Variants in MS4A13 observed in about 807,000 individuals in gnomAD.
MS4A13 encodes membrane-spanning 4-domains subfamily A member 13.
A neutral mutation model predicts 18.4 loss-of-function variants in MS4A13; 21 were observed. That is an observed-to-expected ratio of 1.14 (90% confidence interval 0.81 to 1.64). The LOEUF is 1.64. MS4A13 is among the 40% of genes most tolerant of loss of function. The pLI is 0.00. For missense variants in MS4A13, 173 were observed against 176.8 expected, an observed-to-expected ratio of 0.98 and a Z score of 0.12; for synonymous variants, 62 against 57.2, an observed-to-expected ratio of 1.08 and a Z score of -0.38.
In MS4A13 at chr11:60,529,255, C is replaced by CTTTTTTTT. The variant is rs10667098; in HGVS notation, c.307-97_307-90dup. 2.3e-5 allele frequency: 4 copies of CTTTTTTTT among 172,262 alleles called. 1 individual carries two copies. Among genetic ancestry groups the CTTTTTTTT allele is most frequent in the Non-Finnish European group, 4.5e-5 (4 of 89,366 alleles). 10.7% of individuals were successfully genotyped at this position (172,262 alleles called of 1,614,324 possible). The stretch of plus-strand genomic sequence containing the variant: ...GGTTTATCTGTTCTTATTTTCCTTC[C>CTTTTTTTT]TTTTTTTTTTTTTTTTTTTTGACTC... On this transcript the variant is annotated intron_variant, in intron 5 of 6. Transcript: ENST00000378186.
At chr11:60,539,280 G>C (rs1206062056) in intron 6 of MS4A13, among the ~76,000 whole-genome samples, 16 of 150,420 alleles carry the variant, frequency 1.1e-4, no homozygotes. Context: ...GTCAATAAAA[G>C]AGACAGAAAT....
At chr11:60,539,677 T>TA (rs2086840631) in intron 6 of MS4A13, among the ~76,000 whole-genome samples, 2 of 150,542 alleles carry the variant, frequency 1.3e-5, no homozygotes, top group Admixed American at 1.3e-4. Flanking sequence ...GTCAAACTGA[T>TA]AAAAAAGAAA....
chr11:60,531,380 C>T (rs1053657557), intron 6 of MS4A13, among the ~76,000 whole-genome samples: 1 of 152,140 alleles, frequency 6.6e-6, no homozygotes, highest in Non-Finnish European at 1.5e-5. Context: ...CTACTTTTCC[C>T]CTGTAGTCTG....
At chr11:60,516,628 C>G (rs2086639322) in intron 2 of MS4A13, among the ~76,000 whole-genome samples, 2 of 152,142 alleles carry the variant, frequency 1.3e-5, no homozygotes, top group South Asian at 4.2e-4. Context: ...AACTCTGAAT[C>G]TTCTTTCCAG....
chr11:60,518,035 A>C lies in MS4A13; in HGVS notation c.-12-37A>C. ...ACTTATTGGAATTGTGTTTTAAATTACATTATTTCGGTACTAACATAATTC... is the reference window on the plus strand; with the variant it reads ...ACTTATTGGAATTGTGTTTTAAATTCCATTATTTCGGTACTAACATAATTC... On this transcript the variant is annotated intron_variant, in intron 2 of 6. Coordinates refer to ENST00000378186, the MANE Select transcript of MS4A13 (RefSeq NM_001012417.3). 3 of 1,487,110 alleles carry C rather than the reference A, an allele frequency of 2.0e-6. No homozygotes were observed. The South Asian group carries it at 3.9e-5, about 19-fold the overall frequency. 92.1% of individuals were successfully genotyped at this position (1,487,110 alleles called of 1,614,324 possible). A position where few individuals can be genotyped will look rare whatever the true frequency, so the allele number is the denominator to read the frequency against.
Position 60,521,740 on chromosome 11 carries a change from G to A in MS4A13, c.130-2157G>A, listed in dbSNP as rs2086675017. On this transcript the variant is annotated intron_variant, in intron 3 of 6. Coordinates refer to ENST00000378186, the MANE Select transcript of MS4A13 (RefSeq NM_001012417.3). The stretch of plus-strand genomic sequence containing the variant: ...AGTCCTCCAAACTGTCCTAACATCT[G>A]CCTGTTACCCAGTTCCAAAGTCACT... 9.2e-5 allele frequency among the ~76,000 whole-genome samples: 14 copies of A among 152,254 alleles called. 1 individual carries two copies. In the South Asian group the frequency reaches 2.9e-3, roughly 32 times the overall value.
Position 60,518,118 on chromosome 11 carries a change from T to A in MS4A13, c.35T>A (p.Phe12Tyr). ...IGIFHIFMWY[F>Y]LLVLYMGQIK... Reference sequence around the variant, plus strand: ...ATCTTTCACATTTTCATGTGGTACTTTCTATTGGTTTTGTATATGGGACAA... The same window carrying A: ...ATCTTTCACATTTTCATGTGGTACTATCTATTGGTTTTGTATATGGGACAA... The change falls in exon 3 of 7, where the codon TTT becomes TAT. Residue 12 changes from phenylalanine to tyrosine, a missense_variant. By Grantham distance (22) the Phe-to-Tyr change is conservative (BLOSUM62 3). Transcript: ENST00000378186. The A allele has an allele frequency of 6.2e-7, 1 of 1,608,002 alleles. No homozygotes were observed. The highest frequency in any genetic ancestry group is 2.2e-5 in the East Asian group (1 of 44,724).
intron 3 of MS4A13, among the ~76,000 whole-genome samples, chr11:60,523,489 C>A (rs1035776665): frequency 1.1e-4 from 17 of 152,154 alleles, no homozygotes; most frequent in African/African-American, 4.1e-4. Context: ...ATTCTTGAAC[C>A]ACTTTTTCCA....
chr11:60,540,956 CA>C (rs34052697), intron 6 of MS4A13, among the ~76,000 whole-genome samples: 56,314 of 109,478 alleles, frequency 0.51, 11,606 homozygotes, highest in East Asian at 0.6. Context: ...CCCTATCTCA[CA>C]AAAAAAAAAA....
chr11:60,542,993 A>G (rs910765559), downstream of MS4A13, among the ~76,000 whole-genome samples: 1 of 152,184 alleles, frequency 6.6e-6, no homozygotes, highest in African/African-American at 2.4e-5. Context: ...GAGTTCTTCT[A>G]CTTTAACTAG....
chr11:60,522,542 T>C (rs2086684799), intron 3 of MS4A13, among the ~76,000 whole-genome samples: 1 of 152,104 alleles, frequency 6.6e-6, no homozygotes, highest in African/African-American at 2.4e-5. Context: ...GGATACAATA[T>C]GGCTGCCCAT....
At chr11:60,522,197 CAGATAGATAGAT>C (rs1162980039) in intron 3 of MS4A13, among the ~76,000 whole-genome samples, 32 of 129,894 alleles carry the variant, frequency 2.5e-4, no homozygotes, top group Admixed American at 6.2e-4. Flanking sequence ...AAAGATCAGA[CAGATAGATAGAT>C]AGATAGATAG....
chr11:60,526,095 A>C (rs1323622441), intron 5 of MS4A13, among the ~76,000 whole-genome samples: 1 of 151,980 alleles, frequency 6.6e-6, no homozygotes, highest in East Asian at 1.9e-4. Flanking sequence ...ACACACTTTC[A>C]CTCCATACCT....
At chr11:60,526,657 T>TA (rs2086715452) in intron 5 of MS4A13, among the ~76,000 whole-genome samples, 1 of 152,210 alleles carries the variant, frequency 6.6e-6, no homozygotes, top group African/African-American at 2.4e-5. Flanking sequence ...ATTATATACT[T>TA]ACACTTGCTA....
rs1185772886 is a variant in MS4A13, at chr11:60,525,256, C to T, written c.236C>T (p.Thr79Ile). 3 of 1,560,944 alleles carry T rather than the reference C, an allele frequency of 1.9e-6. No homozygotes were observed. The highest frequency in any genetic ancestry group is 1.4e-5 in the African/African-American group (1 of 73,832). The change falls in exon 5 of 7, where the codon ACT becomes ATT. Residue 79 changes from threonine (T) to isoleucine (I), a missense_variant. Coordinates refer to ENST00000378186, the MANE Select transcript of MS4A13 (RefSeq NM_001012417.3). Reference protein sequence around the residue: ...INIICIITTITAVTLTIIELS... With the variant: ...INIICIITTIIAVTLTIIELS... ...ATCATCTGCATAATTACTACAATTA[C>T]TGCAGTAACTCTAACAATAATAGAG...
chr11:60,541,702 G>T (rs566281171), intron 6 of MS4A13, among the ~76,000 whole-genome samples: 2 of 152,250 alleles, frequency 1.3e-5, no homozygotes, highest in South Asian at 4.2e-4. Context: ...AGGCTAGGGT[G>T]CTGGCATCTA....
At chr11:60,539,991 C>T (rs1167465765) in intron 6 of MS4A13, among the ~76,000 whole-genome samples, 1 of 152,058 alleles carries the variant, frequency 6.6e-6, no homozygotes, top group Admixed American at 6.5e-5. Context: ...CTCAAATGCA[C>T]ATGAATAAAT....
chr11:60,522,732 T>G (rs1274153073), intron 3 of MS4A13, among the ~76,000 whole-genome samples: 1 of 152,160 alleles, frequency 6.6e-6, no homozygotes, highest in Non-Finnish European at 1.5e-5. Flanking sequence ...GGCTCATAAA[T>G]AATGCACTGG....
rs1241219969 is a variant in MS4A13, at chr11:60,542,530, A to T, written c.414A>T (p.Gln138His). 1 of 1,610,050 alleles carries T rather than the reference A, an allele frequency of 6.2e-7. No homozygotes were observed. The highest frequency in any genetic ancestry group is 8.5e-7 in the Non-Finnish European group (1 of 1,177,852). The change falls in exon 7 of 7, where the codon CAA becomes CAT. Residue 138 changes from glutamine to histidine, a missense_variant. Physicochemically the swap from Gln to His is conservative, Grantham distance 24. Coordinates refer to ENST00000378186, the MANE Select transcript of MS4A13 (RefSeq NM_001012417.3). The stretch of plus-strand genomic sequence containing the variant: ...TACTTTTTTTCCAGTTTCGAAGACA[A>T]AATGATCTTACATCTGTTACTGAGG... ...IYSCSNLFRR[Q>H]NDLTSVTEEA...
Sources: gnomAD v4.1 joint callset for allele counts (sites outside exome capture counted in the v4.1 genomes callset) on GRCh38, gnomAD v4.1.1 for gene constraint, MANE v1.5 for transcripts, NCBI Gene and HGNC (gene_info 2026-07-23, HGNC 2026-07-21) for gene names.